The following COL5A1 variants were observed in gnomAD, a reference collection of about 807,000 sequenced individuals.
The protein encoded by COL5A1 is collagen alpha-1(V) chain.
A neutral mutation model predicts 263.7 loss-of-function variants in COL5A1; 16 were observed. That is an observed-to-expected ratio of 0.06 (90% CI 0.04 to 0.09). The LOEUF (loss-of-function observed/expected upper bound fraction) is 0.09, where lower values mean the gene tolerates loss of function less well. COL5A1 is among the 10% of genes least tolerant of loss of function. The pLI is 1.00. For missense variants in COL5A1, 2,036 were observed against 2,540.5 expected (o/e 0.80, Z 4.27); for synonymous variants, 1,012 against 1,004.5 (o/e 1.01, Z -0.14).
chr9:134,816,131 G>A, intron 52 of COL5A1, 143 bp downstream of exon 52: 1 of 805,264 alleles, frequency 1.2e-6, no homozygotes, highest in East Asian at 2.6e-5. Flanking sequence ...TTATGATATT[G>A]ATTCCCTTAT....
Position 134,757,903 on chromosome 9 carries a change from C to A in COL5A1, c.1882-340C>A, listed in dbSNP as rs1170279009. On this transcript the variant is annotated intron_variant, in intron 17 of 65. Coordinates refer to ENST00000371817, the MANE Select transcript of COL5A1 (RefSeq NM_000093.5). The surrounding 1 kb of genome is among the most constrained non-coding windows in gnomAD (Gnocchi z 6.2). ...CCGGGACCCTGCTCTCCTGGAGCCT[C>A]CCTGGGGTGGGGGAGATCAGCAGCA... 6.6e-6 allele frequency among the ~76,000 whole-genome samples: 1 copy of A among 152,116 alleles called. No homozygotes were observed. Among genetic ancestry groups the A allele is most frequent in the Non-Finnish European group, 1.5e-5 (1 of 68,024 alleles).
chr9:134,744,951 G>C (rs1008306306), intron 11 of COL5A1, among the ~76,000 whole-genome samples: 1 of 152,360 alleles, frequency 6.6e-6, no homozygotes, highest in Admixed American at 6.5e-5. Flanking sequence ...ACATGCACGC[G>C]TGCGCTGTCT....
At position 134,659,616 on chromosome 9, in the gene COL5A1, C is replaced by T. The variant is rs543125120; in HGVS notation, c.109+17320C>T. On this transcript the variant is annotated intron_variant, in intron 1 of 65. Transcript: ENST00000371817. The stretch of plus-strand genomic sequence containing the variant: ...AGAGGAGCAGGAGGAATGTGAAGTC[C>T]GGTGACCCCACCAACAACCCTCTGT... Among the ~76,000 whole-genome samples the T allele has an allele frequency of 2.0e-4, 31 of 152,254 alleles. No homozygotes were observed. In the South Asian group the frequency reaches 5.6e-3, roughly 28 times the overall value.
At chr9:134,836,246 T>C (rs1839852060) in intron 65 of COL5A1, among the ~76,000 whole-genome samples, 1 of 152,174 alleles carries the variant, frequency 6.6e-6, no homozygotes, top group Admixed American at 6.5e-5. Flanking sequence ...CCAGGCTGCT[T>C]CCAGTCTTGG....
At chr9:134,782,848 C>A in intron 29 of COL5A1, 128 bp downstream of exon 29, 2 of 945,116 alleles carry the variant, frequency 2.1e-6, no homozygotes, top group Admixed American at 1.8e-5. Context: ...GGTAGAGATT[C>A]CTGGTGGGAA....
chr9:134,835,691 G>C (rs1041546925), intron 65 of COL5A1, among the ~76,000 whole-genome samples: 1 of 152,232 alleles, frequency 6.6e-6, no homozygotes, highest in Admixed American at 6.5e-5. Flanking sequence ...GGGGAGAGCT[G>C]TTCTGGTCCC....
chr9:134,753,761 CCCCTGCCCCT>C, intron 14 of COL5A1, 79 bp from the exon 15 acceptor site: 2 of 680,426 alleles, frequency 2.9e-6, no homozygotes, highest in Non-Finnish European at 5.4e-6. Context: ...CTGTCCCCTC[CCCCTGCCCCT>C]CCCCTGCCAC....
Position 134,700,196 on chromosome 9 carries a change from G to A in COL5A1, c.491+74G>A. On this transcript the variant is annotated intron_variant, in intron 3 of 65. Coordinates refer to ENST00000371817, the MANE Select transcript of COL5A1 (RefSeq NM_000093.5). The surrounding 1 kb of genome is among the most constrained non-coding windows in gnomAD (Gnocchi z 4.0). ...GGCCAGCTCATACCACTGACCAGAT[G>A]TGGGGCACAGTAGAGGACGTGCAGC... The A allele has an allele frequency of 7.1e-7, 1 of 1,403,528 alleles. No homozygotes were observed. Among genetic ancestry groups the A allele is most frequent in the Non-Finnish European group, 9.9e-7 (1 of 1,013,820 alleles). 86.9% of individuals were successfully genotyped at this position (1,403,528 alleles called of 1,614,324 possible).
intron 64 of COL5A1, among the ~76,000 whole-genome samples, chr9:134,834,727 C>A (rs1440266168): frequency 6.6e-6 from 1 of 152,110 alleles, no homozygotes; most frequent in Non-Finnish European, 1.5e-5. Context: ...TAAGCATAAG[C>A]CAAGAGAAGT....
chr9:134,696,335 G>A lies in COL5A1; in HGVS notation c.278-3574G>A, dbSNP rs944430105. ...ATTACAGGTGTGTGCCACCACACCC[G>A]GCTAATTTTTTTTATATTTTTGGCA... is the stretch of plus-strand genomic sequence containing the variant. On this transcript the variant is annotated intron_variant, in intron 2 of 65. Coordinates refer to ENST00000371817, the MANE Select transcript of COL5A1 (RefSeq NM_000093.5). The surrounding 1 kb of genome is among the most constrained non-coding windows in gnomAD (Gnocchi z 4.3). 3.3e-5 allele frequency among the ~76,000 whole-genome samples: 5 copies of A among 151,968 alleles called. No individual in the cohort carries two copies. The highest frequency in any genetic ancestry group is 1.9e-4 in the East Asian group (1 of 5,174).
intron 4 of COL5A1, among the ~76,000 whole-genome samples, chr9:134,712,126 T>C (rs1483565905): frequency 6.9e-5 from 6 of 87,106 alleles, no homozygotes; most frequent in African/African-American, 2.9e-4. Flanking sequence ...TCCCCCTCCT[T>C]CCTGTTCCCC....
At chr9:134,697,947 G>A (rs894874923) in intron 2 of COL5A1, among the ~76,000 whole-genome samples, 3 of 152,134 alleles carry the variant, frequency 2.0e-5, no homozygotes, top group Non-Finnish European at 4.4e-5. Context: ...AATCAGGCGT[G>A]GTGGTGTGGA....
chr9:134,830,939 C>T (rs1452745783), intron 64 of COL5A1, among the ~76,000 whole-genome samples: 1 of 152,174 alleles, frequency 6.6e-6, no homozygotes, highest in Non-Finnish European at 1.5e-5. Flanking sequence ...GTCTTTTCTC[C>T]CAGCAAGTTA....
At chr9:134,780,639 G>A (rs879428131) in intron 28 of COL5A1, among the ~76,000 whole-genome samples, 4 of 152,252 alleles carry the variant, frequency 2.6e-5, no homozygotes, top group Admixed American at 6.5e-5. Flanking sequence ...GCCATGGTCC[G>A]TGGGGGCAGG....
chr9:134,734,220 C>G (rs1835013117), intron 9 of COL5A1, among the ~76,000 whole-genome samples: 2 of 152,108 alleles, frequency 1.3e-5, no homozygotes, highest in Non-Finnish European at 2.9e-5. Flanking sequence ...GGTGGCCCCA[C>G]AGGAACATCA....
At chr9:134,659,885 G>A (rs867328530) in intron 1 of COL5A1, among the ~76,000 whole-genome samples, 1 of 152,184 alleles carries the variant, frequency 6.6e-6, no homozygotes, top group South Asian at 2.1e-4. Flanking sequence ...CCATTTTAGC[G>A]GGAAGGAAAG....
rs1836662405 is a variant in COL5A1 at position 134,766,309 on chromosome 9, G to C, written c.2089-145G>C. 5.1e-6 allele frequency: 4 copies of C among 789,760 alleles called. 1 individual carries two copies. Among genetic ancestry groups the C allele is most frequent in the Middle Eastern group, 4.6e-4 (2 of 4,394 alleles). The allele number at this position is 789,760 out of a possible 1,614,324, so 48.9% of individuals were successfully genotyped here. On this transcript the variant is annotated intron_variant, in intron 21 of 65. Transcript: ENST00000371817. The stretch of plus-strand genomic sequence containing the variant: ...ACCTCTGGGAAGGGATTTGGAGTCA[G>C]GTCCTTCCCTTCCCCAGAGAGCATC...
At chr9:134,748,259 A>G (rs1835641573) in intron 11 of COL5A1, among the ~76,000 whole-genome samples, 1 of 151,928 alleles carries the variant, frequency 6.6e-6, no homozygotes, top group Admixed American at 6.6e-5. Context: ...GCATTTACAC[A>G]TGCACACACA....
intron 4 of COL5A1, among the ~76,000 whole-genome samples, chr9:134,722,215 T>C (rs1834489508): frequency 6.6e-6 from 1 of 152,206 alleles, no homozygotes; most frequent in African/African-American, 2.4e-5. Flanking sequence ...GTCCTACTAT[T>C]GTCTGTTCAC....
Sources: gnomAD v4.1 joint callset for allele counts (sites outside exome capture counted in the v4.1 genomes callset) on GRCh38, gnomAD v4.1.1 for gene constraint, Gnocchi (gnomAD v3.1) non-coding constraint, MANE v1.5 for transcripts, NCBI Gene and HGNC (gene_info 2026-07-23, HGNC 2026-07-21) for gene names.